CNTN4: variants seen among roughly 807,000 people sequenced by gnomAD.
CNTN4 encodes contactin-4.
Under a neutral mutation model 122.5 loss-of-function variants are expected in CNTN4, and 77 were observed. That is an observed-to-expected ratio of 0.63 (90% CI 0.52 to 0.76). The LOEUF (loss-of-function observed/expected upper bound fraction) is 0.76, where lower values mean the gene tolerates loss of function less well. Ranked by LOEUF, CNTN4 falls within the 30% of genes least tolerant of loss-of-function variation. The pLI is 0.00. For missense variants in CNTN4, 1,256 were observed against 1,259.1 expected (o/e 1.00, Z 0.04); for synonymous variants, 512 against 447.0 (o/e 1.15, Z -1.83).
At chr3:2,529,352 G>GT (rs1214192655) in intron 3 of CNTN4, among the ~76,000 whole-genome samples, 1 of 152,014 alleles carries the variant, frequency 6.6e-6, no homozygotes, top group Non-Finnish European at 1.5e-5. Context: ...CCATTCATCT[G>GT]TTGATGGATA....
chr3:2,597,464 C>T (rs539710715), intron 4 of CNTN4, among the ~76,000 whole-genome samples: 6 of 152,086 alleles, frequency 3.9e-5, no homozygotes, highest in Non-Finnish European at 7.3e-5. Context: ...AATAAAAATG[C>T]GAAAGTATTG....
intron 13 of CNTN4, among the ~76,000 whole-genome samples, chr3:2,934,461 C>T (rs1273055226): frequency 6.6e-6 from 1 of 152,242 alleles, no homozygotes; most frequent in Non-Finnish European, 1.5e-5. Flanking sequence ...TGCAGGGCTG[C>T]ACAACTCTGT....
chr3:2,600,472 T>C (rs980046325), intron 4 of CNTN4, among the ~76,000 whole-genome samples: 5 of 152,154 alleles, frequency 3.3e-5, no homozygotes, highest in Non-Finnish European at 7.3e-5. Context: ...GTCCTTGTGA[T>C]AGTTTGCTCA....
At chr3:2,353,356 C>G (rs1014342228) in intron 3 of CNTN4, among the ~76,000 whole-genome samples, 1 of 152,134 alleles carries the variant, frequency 6.6e-6, no homozygotes, top group African/African-American at 2.4e-5. Flanking sequence ...TGGGTGGGGT[C>G]AGATAAGGGA....
chr3:2,269,918 A>G (rs1685430), intron 2 of CNTN4, among the ~76,000 whole-genome samples: 3,376 of 6,690 alleles, frequency 0.5, 644 homozygotes, highest in Admixed American at 0.52. Context: ...TTGTTTGTTT[A>G]TTTATTTATT....
chr3:2,936,495 C>T (rs1316278806), intron 13 of CNTN4, among the ~76,000 whole-genome samples: 1 of 152,322 alleles, frequency 6.6e-6, no homozygotes, highest in African/African-American at 2.4e-5. Flanking sequence ...TCAGGATAGA[C>T]ACTAAGTCTT....
Position 2,925,740 on chromosome 3 carries a change from C to G in CNTN4, c.1319C>G (p.Thr440Ser). 1 of 1,613,674 alleles carries G rather than the reference C, an allele frequency of 6.2e-7. No individual in the cohort carries two copies. The highest frequency in any genetic ancestry group is 8.5e-7 in the Non-Finnish European group (1 of 1,179,764). The change falls in exon 13 of 25, where the codon ACC becomes AGC. Residue 440 changes from threonine to serine, a missense_variant. Thr to Ser is a moderately conservative substitution (Grantham distance 58). Transcript: ENST00000418658. ...KPKASPKPVY[T>S]WKKGRDILKE... ...AAAGCGTCTCCAAAACCTGTTTACA[C>G]CTGGAAGAAAGGAAGGGATATATTA...
intron 8 of CNTN4, among the ~76,000 whole-genome samples, chr3:2,877,483 T>A (rs2093858098): frequency 6.6e-6 from 1 of 152,238 alleles, no homozygotes; most frequent in Non-Finnish European, 1.5e-5. Context: ...TTAGGTGTTT[T>A]TATTTAGATT....
chr3:2,244,213 A>T (rs1352605269), intron 2 of CNTN4, among the ~76,000 whole-genome samples: 1 of 104,864 alleles, frequency 9.5e-6, no homozygotes, highest in Non-Finnish European at 2.3e-5. Context: ...ATACTGTAAT[A>T]AAAAAAATCT....
At chr3:2,447,809 T>C (rs967812641) in intron 3 of CNTN4, among the ~76,000 whole-genome samples, 2 of 152,166 alleles carry the variant, frequency 1.3e-5, no homozygotes, top group Non-Finnish European at 1.5e-5. Flanking sequence ...TTGGGTTCTG[T>C]TAATAAGTAC....
At chr3:2,476,328 C>G (rs1345232291) in intron 3 of CNTN4, among the ~76,000 whole-genome samples, 1 of 152,158 alleles carries the variant, frequency 6.6e-6, no homozygotes, top group Non-Finnish European at 1.5e-5. Flanking sequence ...ACTGCAGGAT[C>G]TTGAGTACAT....
intron 4 of CNTN4, among the ~76,000 whole-genome samples, chr3:2,687,896 G>A (rs1208115152): frequency 1.3e-5 from 2 of 152,122 alleles, no homozygotes; most frequent in Non-Finnish European, 2.9e-5. Flanking sequence ...GAAACTCAGA[G>A]AGGCCTTGTT....
chr3:2,465,684 T>A (rs2075471885), intron 3 of CNTN4, among the ~76,000 whole-genome samples: 1 of 151,886 alleles, frequency 6.6e-6, no homozygotes, highest in South Asian at 2.1e-4. Context: ...CTCAAAAAAA[T>A]AAAAAATTCA....
chr3:2,680,847 T>C (rs937346608), intron 4 of CNTN4, among the ~76,000 whole-genome samples: 1 of 152,232 alleles, frequency 6.6e-6, no homozygotes, highest in Non-Finnish European at 1.5e-5. Context: ...AATTTACTAA[T>C]ACTAATTCTC....
At chr3:3,038,064 A>G (rs1244492600) in intron 18 of CNTN4, among the ~76,000 whole-genome samples, 1 of 152,172 alleles carries the variant, frequency 6.6e-6, no homozygotes, top group Non-Finnish European at 1.5e-5. Flanking sequence ...TTCTGACCCT[A>G]CTCTCAGAAA....
rs185269543 is a variant in CNTN4 at position 2,958,786 on chromosome 3, G to C, written c.1359-29559G>C. On this transcript the variant is annotated intron_variant, in intron 13 of 24. Transcript: ENST00000418658. ...AAGTAAGCAGTACATTTGTAGAAAG[G>C]TTGGAGAGGGGTATTCTGGGTATGC... Among the ~76,000 whole-genome samples the C allele has an allele frequency of 2.2e-3, 332 of 152,270 alleles. 3 individuals are homozygous for C. The highest frequency in any genetic ancestry group is 7.6e-3 in the African/African-American group (317 of 41,548).
At chr3:2,265,794 T>C (rs910945354) in intron 2 of CNTN4, among the ~76,000 whole-genome samples, 1 of 151,710 alleles carries the variant, frequency 6.6e-6, no homozygotes, top group Admixed American at 6.6e-5. Flanking sequence ...TCCATGTCTT[T>C]GGTTAAATGG....
intron 2 of CNTN4, among the ~76,000 whole-genome samples, chr3:2,112,399 T>G (rs117476982): frequency 1.3e-5 from 2 of 152,322 alleles, no homozygotes; most frequent in East Asian, 3.9e-4. Flanking sequence ...AGTCACTTTA[T>G]AGGTGCTTTG....
At chr3:2,398,898 T>C (rs991571468) in intron 3 of CNTN4, among the ~76,000 whole-genome samples, 3 of 152,130 alleles carry the variant, frequency 2.0e-5, no homozygotes, top group Non-Finnish European at 4.4e-5. Context: ...TGCAATAAAC[T>C]ATAGAATATG....
Sources: gnomAD v4.1 joint callset for allele counts (sites outside exome capture counted in the v4.1 genomes callset) on GRCh38, gnomAD v4.1.1 for gene constraint, MANE v1.5 for transcripts, NCBI Gene and HGNC (gene_info 2026-07-23, HGNC 2026-07-21) for gene names.